NTM: variants seen among roughly 807,000 people sequenced by gnomAD.
NTM encodes IgLON family member 2.
A neutral mutation model predicts 42.1 loss-of-function variants in NTM; 13 were observed. The ratio of observed to expected loss-of-function variants is 0.31; its 90% CI spans 0.20 to 0.49. The LOEUF is 0.49. NTM is among the 20% of genes least tolerant of loss of function. NTM has a pLI of 0.99. For synonymous variants in NTM, 187 were observed against 179.2 expected, an observed-to-expected ratio of 1.04 and a Z score of -0.35; for missense variants, 373 against 452.8, an observed-to-expected ratio of 0.82 and a Z score of 1.60.
intron 4 of NTM, among the ~76,000 whole-genome samples, chr11:132,232,590 ACT>A (rs892857565): frequency 7.2e-5 from 11 of 152,336 alleles, no homozygotes; most frequent in African/African-American, 2.4e-4. Flanking sequence ...TAAGTGGGTG[ACT>A]CTTAACAAAC....
intron 1 of NTM, among the ~76,000 whole-genome samples, chr11:131,571,385 A>T (rs1016965537): frequency 3.3e-5 from 5 of 152,180 alleles, no homozygotes; most frequent in Non-Finnish European, 7.3e-5. Flanking sequence ...AGTAGGTATT[A>T]TGCCTGTGTT....
intron 1 of NTM, among the ~76,000 whole-genome samples, chr11:131,429,766 G>A (rs560251078): frequency 4.0e-4 from 61 of 152,194 alleles, no homozygotes; most frequent in Non-Finnish European, 7.4e-4. Flanking sequence ...ACAGTGTTGC[G>A]CTAATTGCAT....
At chr11:131,839,035 A>T (rs1397536993) in intron 1 of NTM, among the ~76,000 whole-genome samples, 1 of 149,884 alleles carries the variant, frequency 6.7e-6, no homozygotes, top group Non-Finnish European at 1.5e-5. Context: ...ATCTCGGCTC[A>T]CTGCAACCTC....
intron 1 of NTM, among the ~76,000 whole-genome samples, chr11:131,871,729 C>T (rs900397647): frequency 6.6e-6 from 1 of 152,194 alleles, no homozygotes; most frequent in African/African-American, 2.4e-5. Context: ...TCTAGAGACT[C>T]ATCATGCTTT....
chr11:131,969,662 C>A (rs1233721485), intron 2 of NTM, among the ~76,000 whole-genome samples: 1 of 152,164 alleles, frequency 6.6e-6, no homozygotes, highest in Non-Finnish European at 1.5e-5. Context: ...GCAGATCTAT[C>A]TCTTTGAAGT....
At chr11:132,194,276 A>G (rs889147689) in intron 3 of NTM, among the ~76,000 whole-genome samples, 4 of 152,354 alleles carry the variant, frequency 2.6e-5, no homozygotes, top group Admixed American at 6.5e-5. Flanking sequence ...ACCATGATGA[A>G]GTAGGCTTTA....
intron 1 of NTM, among the ~76,000 whole-genome samples, chr11:131,582,794 C>T (rs2058528498): frequency 6.6e-6 from 1 of 152,148 alleles, no homozygotes; most frequent in East Asian, 1.9e-4. Flanking sequence ...CCCCCTTCCC[C>T]CACCAAAAAA....
At chr11:131,771,897 T>G (rs2086158193) in intron 1 of NTM, among the ~76,000 whole-genome samples, 1 of 152,236 alleles carries the variant, frequency 6.6e-6, no homozygotes, top group Non-Finnish European at 1.5e-5. Context: ...CAAGCTGAAT[T>G]GGCCCCATCG....
At chr11:132,322,817 A>T (rs2095600191) in intron 7 of NTM, among the ~76,000 whole-genome samples, 1 of 147,560 alleles carries the variant, frequency 6.8e-6, no homozygotes. Flanking sequence ...AACAGAAATT[A>T]TAACAAACTA....
intron 1 of NTM, among the ~76,000 whole-genome samples, chr11:131,562,030 T>C (rs1411677362): frequency 6.6e-6 from 1 of 152,232 alleles, no homozygotes; most frequent in Non-Finnish European, 1.5e-5. Context: ...TTATTACTAT[T>C]TTTTATTTTT....
chr11:132,213,390 A>G (rs897367151), intron 4 of NTM, among the ~76,000 whole-genome samples: 1 of 152,080 alleles, frequency 6.6e-6, no homozygotes, highest in South Asian at 2.1e-4. Flanking sequence ...CTGGTCCTCT[A>G]CATCGGCACA....
intron 2 of NTM, among the ~76,000 whole-genome samples, chr11:132,061,268 T>A (rs947586947): frequency 6.6e-6 from 1 of 152,218 alleles, no homozygotes; most frequent in Non-Finnish European, 1.5e-5. Context: ...CATTGGCATA[T>A]TTTTTGTGTA....
At chr11:132,222,899 G>A (rs950334145) in intron 4 of NTM, among the ~76,000 whole-genome samples, 8 of 152,156 alleles carry the variant, frequency 5.3e-5, no homozygotes, top group African/African-American at 9.7e-5. Context: ...CCCGGGAGGC[G>A]TTTCCTCCCC....
chr11:131,784,637 T>A (rs927700738), intron 1 of NTM, among the ~76,000 whole-genome samples: 1 of 152,132 alleles, frequency 6.6e-6, no homozygotes, highest in African/African-American at 2.4e-5. Context: ...GAGAGGGACA[T>A]GTGTTGAGAA....
chr11:131,394,495 G>A (rs531053549), intron 1 of NTM, among the ~76,000 whole-genome samples: 235 of 152,160 alleles, frequency 1.5e-3, no homozygotes, highest in Non-Finnish European at 2.3e-3. Context: ...ACTCAGTGTC[G>A]GCCCTTCTAC....
chr11:131,557,819 G>T (rs927140539), intron 1 of NTM, among the ~76,000 whole-genome samples: 1 of 152,104 alleles, frequency 6.6e-6, no homozygotes, highest in Non-Finnish European at 1.5e-5. Context: ...GAGAAAATGG[G>T]CAATGTCAGC....
chr11:132,166,995 A>G (rs756915472), intron 3 of NTM, among the ~76,000 whole-genome samples: 14 of 152,226 alleles, frequency 9.2e-5, no homozygotes, highest in Admixed American at 3.9e-4. Context: ...CCACTCATGC[A>G]GTTAGACCTG....
chr11:131,910,794 C>G, intron 1 of NTM: 1 of 976,990 alleles, frequency 1.0e-6, no homozygotes, highest in Non-Finnish European at 1.2e-6. Context: ...CAGCCCCTGC[C>G]CCGCCGAGCC....
At chr11:131,866,975 GC>G (rs1372284277) in intron 1 of NTM, among the ~76,000 whole-genome samples, 1 of 152,194 alleles carries the variant, frequency 6.6e-6, no homozygotes. Context: ...GTGCGCGGCA[GC>G]CAAGATGGAG....
Sources: gnomAD v4.1 joint callset for allele counts (sites outside exome capture counted in the v4.1 genomes callset) on GRCh38, gnomAD v4.1.1 for gene constraint, MANE v1.5 for transcripts, NCBI Gene and HGNC (gene_info 2026-07-23, HGNC 2026-07-21) for gene names.